Variants in ATRIP observed in about 807,000 individuals in gnomAD.
ATRIP encodes ATR interacting protein, also known as ATR-interacting protein.
A neutral mutation model predicts 78.1 loss-of-function variants in ATRIP; 44 were observed. The ratio of observed to expected loss-of-function variants is 0.56; its 90% CI spans 0.44 to 0.72. The LOEUF (loss-of-function observed/expected upper bound fraction) is 0.72. Among genes scored for constraint, ATRIP ranks in the 30% least tolerant of loss-of-function variants. The probability of loss-of-function intolerance (pLI) is 0.00; values close to 1 mark genes in which losing one functional copy is unlikely to be tolerated. For missense variants in ATRIP, 927 were observed against 980.2 expected (o/e 0.95, Z 0.72); for synonymous variants, 388 against 408.9 (o/e 0.95, Z 0.62).
chr3:48,458,314 T>G (rs925191549), intron 5 of ATRIP, among the ~76,000 whole-genome samples: 8 of 137,800 alleles, frequency 5.8e-5, no homozygotes, highest in Non-Finnish European at 1.2e-4. Flanking sequence ...AATCTGTTTT[T>G]CTTTTCTTGT....
chr3:48,465,474 C>T lies in ATRIP; in HGVS notation c.2309-13C>T. 1.2e-6 allele frequency: 2 copies of T among 1,613,388 alleles called. No individual in the cohort carries two copies. The highest frequency in any genetic ancestry group is 1.7e-6 in the Non-Finnish European group (2 of 1,179,576). On this transcript the variant is annotated splice_polypyrimidine_tract_variant and intron_variant, in intron 12 of 12. Coordinates refer to ENST00000320211, the MANE Select transcript of ATRIP (RefSeq NM_130384.3). ...TTTGGGCCCTCACCAGGAACCTCTCCTTTTTGTCTCAGAGGCAGCCCTGGA... is the reference window on the plus strand; with the variant it reads ...TTTGGGCCCTCACCAGGAACCTCTCTTTTTTGTCTCAGAGGCAGCCCTGGA...
intron 2 of ATRIP, chr3:48,450,461 A>C: frequency 8.1e-7 from 1 of 1,238,744 alleles, no homozygotes; most frequent in Non-Finnish European, 1.1e-6. Flanking sequence ...TGAATAATAC[A>C]ACTTCATAAT....
rs370971747 is a variant in ATRIP, at chr3:48,451,810, G to A, written c.463G>A (p.Val155Ile). Reference protein sequence around the residue: ...LRDSLHQTESVLEEQRRSHFL... With the variant: ...LRDSLHQTESILEEQRRSHFL... ...AGACTCACTACATCAGACGGAATCCGTTCTAGAGGAACAGAGAAGATCACA... is the reference window on the plus strand; with the variant it reads ...AGACTCACTACATCAGACGGAATCCATTCTAGAGGAACAGAGAAGATCACA... Residue 155 changes from valine to isoleucine, a missense_variant, in exon 3 of 13, where the codon GTT becomes ATT. Coordinates refer to ENST00000320211, the MANE Select transcript of ATRIP (RefSeq NM_130384.3). 13 of 1,613,006 alleles carry A rather than the reference G, an allele frequency of 8.1e-6. 1 individual carries two copies. Among genetic ancestry groups the A allele is most frequent in the Admixed American group, 3.3e-5 (2 of 59,928 alleles).
chr3:48,465,063 C>A lies in ATRIP; in HGVS notation c.2288C>A (p.Pro763His), dbSNP rs774877846. 3 of 1,611,832 alleles carry A rather than the reference C, an allele frequency of 1.9e-6. No homozygotes were observed. The African/African-American group carries it at 4.0e-5, about 22-fold the overall frequency. The change falls in exon 12 of 13, where the codon CCT becomes CAT. Residue 763 changes from proline to histidine, a missense_variant. Pro to His is a moderately conservative substitution (Grantham distance 77). Transcript: ENST00000320211. The stretch of plus-strand genomic sequence containing the variant: ...GTCAGCATGCTCATCCGAGGGCTTC[C>A]TGATGTGACGGACTGTGAAGGTAAG... Reference protein sequence around the residue: ...PGVSMLIRGLPDVTDCEEAAL... With the variant: ...PGVSMLIRGLHDVTDCEEAAL...
At chr3:48,447,677 G>A (rs1216942162) in intron 1 of ATRIP, among the ~76,000 whole-genome samples, 2 of 152,176 alleles carry the variant, frequency 1.3e-5, no homozygotes, top group African/African-American at 4.8e-5. Context: ...GAAGTCTTGA[G>A]GACTCCCAGA....
chr3:48,460,556 G>A lies in ATRIP; in HGVS notation c.1502G>A (p.Gly501Glu), dbSNP rs772021643. ...AVVSLLLSGV[G>E]ADSAAGEGNR... is the part of the protein sequence containing the mutation. ...GTCTCCCTATTACTGTCAGGAGTGG[G>A]GGCAGATTCTGCTGCTGGGGAAGGA... Residue 501 changes from glycine to glutamate, a missense_variant, in exon 8 of 13, where the codon GGG (glycine) becomes GAG (glutamate). Physicochemically the swap from Gly to Glu is moderately conservative, Grantham distance 98. Transcript: ENST00000320211. The A allele has an allele frequency of 1.2e-6, 2 of 1,614,162 alleles. No homozygotes were observed. The highest frequency in any genetic ancestry group is 8.5e-7 in the Non-Finnish European group (1 of 1,180,026).
At chr3:48,450,575 G>C (rs1434078587) in intron 2 of ATRIP, 1 of 1,258,858 alleles carries the variant, frequency 7.9e-7, no homozygotes, top group Non-Finnish European at 1.0e-6. Flanking sequence ...AGTTGTGCAA[G>C]GTATGTGACC....
chr3:48,446,931 C>T lies in ATRIP; in HGVS notation c.86C>T (p.Pro29Leu). 1 of 1,457,302 alleles carries T rather than the reference C, an allele frequency of 6.9e-7. No individual in the cohort carries two copies. The highest frequency in any genetic ancestry group is 9.1e-7 in the Non-Finnish European group (1 of 1,104,870). The allele number at this position is 1,457,302 out of a possible 1,614,324, so 90.3% of individuals were successfully genotyped here. The part of the protein sequence containing the change: ...RPGPPPGTGH[P>L]PSKRARGFSA... ...GGCCCGCCGCCGGGCACCGGGCACC[C>T]CCCGAGCAAGCGGGCCCGGGGCTTC... The change falls in exon 1 of 13, where the codon CCC becomes CTC. Residue 29 changes from proline (P) to leucine (L), a missense_variant. Coordinates refer to ENST00000320211, the MANE Select transcript of ATRIP (RefSeq NM_130384.3).
rs373800464 is a variant in ATRIP at position 48,460,187 on chromosome 3, C to G, written c.1133C>G (p.Ala378Gly). 8 of 1,614,102 alleles carry G rather than the reference C, an allele frequency of 5.0e-6. No homozygotes were observed. Among genetic ancestry groups the G allele is most frequent in the Non-Finnish European group, 6.8e-6 (8 of 1,180,020 alleles). ...TTTTCCCTCTCAGCCCTGAGAGAAGCACAGAACCTGGCATTCACTGGACTG... is the reference window on the plus strand; with the variant it reads ...TTTTCCCTCTCAGCCCTGAGAGAAGGACAGAACCTGGCATTCACTGGACTG... ...GSFSLSALRE[A>G]QNLAFTGLNL... The change falls in exon 8 of 13, where the codon GCA becomes GGA. Residue 378 changes from alanine (A) to glycine (G), a missense_variant. Transcript: ENST00000320211.
chr3:48,449,518 C>T (rs1276650376), intron 1 of ATRIP, among the ~76,000 whole-genome samples: 2 of 151,088 alleles, frequency 1.3e-5, no homozygotes, highest in African/African-American at 4.9e-5. Flanking sequence ...GCTTTGCTCT[C>T]AAGAGTAATT....
intron 4 of ATRIP, among the ~76,000 whole-genome samples, chr3:48,455,724 C>T (rs1331834313): frequency 1.3e-5 from 2 of 151,950 alleles, no homozygotes; most frequent in African/African-American, 4.8e-5. Context: ...TCTCGAACTC[C>T]TGACTTCAGG....
At chr3:48,449,920 A>G in intron 1 of ATRIP, 117 bp from the exon 2 acceptor site, 2 of 1,140,866 alleles carry the variant, frequency 1.8e-6, no homozygotes, top group Non-Finnish European at 2.5e-6. Flanking sequence ...CCTGGGTAAC[A>G]GAGCAAGACC....
chr3:48,446,906 G>C lies in ATRIP; in HGVS notation c.61G>C (p.Gly21Arg). 1 of 1,391,244 alleles carries C rather than the reference G, an allele frequency of 7.2e-7. No homozygotes were observed. Among genetic ancestry groups the C allele is most frequent in the African/African-American group, 1.5e-5 (1 of 66,638 alleles). 86.2% of individuals were successfully genotyped at this position (1,391,244 alleles called of 1,614,324 possible). ...GAGCGAGCCCCCGGCGCCTCGCCCC[G>C]GCCCGCCGCCGGGCACCGGGCACCC... Reference protein sequence around the residue: ...RRSEPPAPRPGPPPGTGHPPS... With the variant: ...RRSEPPAPRPRPPPGTGHPPS... Residue 21 changes from glycine to arginine, a missense_variant, in exon 1 of 13, where the codon GGC (glycine) becomes CGC (arginine). By Grantham distance (125) the Gly-to-Arg change is moderately radical (BLOSUM62 -2). Coordinates refer to ENST00000320211, the MANE Select transcript of ATRIP (RefSeq NM_130384.3).
At chr3:48,457,809 T>C (rs2039991999) in intron 5 of ATRIP, among the ~76,000 whole-genome samples, 2 of 152,236 alleles carry the variant, frequency 1.3e-5, no homozygotes, top group East Asian at 3.8e-4. Flanking sequence ...AGCAAATCAC[T>C]GAGTCTGGGC....
At chr3:48,450,269 T>C (rs191497815) in intron 2 of ATRIP, 99 bp downstream of exon 2, 1 of 1,398,788 alleles carries the variant, frequency 7.1e-7, no homozygotes, top group East Asian at 2.4e-5. Flanking sequence ...AACAAGTGTC[T>C]AGATTCATCC....
intron 12 of ATRIP, 125 bp downstream of exon 12, chr3:48,465,208 G>T: frequency 1.5e-6 from 2 of 1,295,636 alleles, no homozygotes; most frequent in Non-Finnish European, 2.1e-6. Flanking sequence ...CAGCACTGGG[G>T]CCATTTTCTT....
At position 48,464,630 on chromosome 3, in the gene ATRIP, G is replaced by A. The variant is rs2040217608; in HGVS notation, c.2023G>A (p.Val675Ile). The change falls in exon 11 of 13, where the codon GTC becomes ATC. Residue 675 changes from valine (V) to isoleucine (I), a missense_variant. Physicochemically the swap from Val to Ile is conservative, Grantham distance 29. Coordinates refer to ENST00000320211, the MANE Select transcript of ATRIP (RefSeq NM_130384.3). ...TGGTGTGCAGAGCCCCTTGCCCCCAGTCACTGGCTCCAACTGCCAGTGTAA... is the reference window on the plus strand; with the variant it reads ...TGGTGTGCAGAGCCCCTTGCCCCCAATCACTGGCTCCAACTGCCAGTGTAA... ...KLGVQSPLPPVTGSNCQCNVE... is the reference protein window; with the variant it reads ...KLGVQSPLPPITGSNCQCNVE... The A allele has an allele frequency of 6.2e-7, 1 of 1,614,210 alleles. No homozygotes were observed. The highest frequency in any genetic ancestry group is 8.5e-7 in the Non-Finnish European group (1 of 1,180,024).
Position 48,464,848 on chromosome 3 carries a change from G to A in ATRIP, c.2073G>A (p.Thr691=), listed in dbSNP as rs372328016. 42 of 1,612,136 alleles carry A rather than the reference G, an allele frequency of 2.6e-5. No individual in the cohort carries two copies. Among genetic ancestry groups the A allele is most frequent in the African/African-American group, 4.0e-5 (3 of 74,900 alleles). ...QCNVEVVRAL[T]VMLHRQWLTV... is the part of the protein sequence containing the mutation. ...TCTCTCAGGTGGTCAGAGCGCTCAC[G>A]GTGATGTTGCACAGACAGTGGCTGA... The change falls in exon 12 of 13, where the codon ACG becomes ACA. Residue 691 remains threonine (T), a synonymous_variant. Coordinates refer to ENST00000320211, the MANE Select transcript of ATRIP (RefSeq NM_130384.3).
chr3:48,446,863 GCC>G lies in ATRIP; in HGVS notation c.19_20del (p.Pro7ArgfsTer39). 12 of 1,401,722 alleles carry G rather than the reference GCC, an allele frequency of 8.6e-6. No homozygotes were observed. Among genetic ancestry groups the G allele is most frequent in the Non-Finnish European group, 1.1e-5 (12 of 1,080,146 alleles). The allele number at this position is 1,401,722 out of a possible 1,614,324, so 86.8% of individuals were successfully genotyped here. ...CGGAAAGCATGGCGGGGACCTCCGCGCCAGGCAGCAAGAGGCGGAGCGAGCCC... is the reference window on the plus strand; with the variant it reads ...CGGAAAGCATGGCGGGGACCTCCGCGAGGCAGCAAGAGGCGGAGCGAGCCC... MAGTSAPGSKRRSEPPA... is the reference protein window; with the variant it reads MAGTSAXGSKRRSEPPA... On this transcript the variant is annotated frameshift_variant, in exon 1 of 13. Coordinates refer to ENST00000320211, the MANE Select transcript of ATRIP (RefSeq NM_130384.3). LOFTEE classifies it high-confidence loss of function.
Sources: gnomAD v4.1 joint callset for allele counts (sites outside exome capture counted in the v4.1 genomes callset) on GRCh38, gnomAD v4.1.1 for gene constraint, MANE v1.5 for transcripts, NCBI Gene and HGNC (gene_info 2026-07-23, HGNC 2026-07-21) for gene names.